Variants in NEXN observed in about 807,000 individuals in gnomAD.
NEXN encodes nexilin.
In NEXN, 65 loss-of-function variants were observed where a neutral mutation model predicts 92.6. The observed-to-expected ratio is 0.70, with a 90% CI of 0.57 to 0.86. The LOEUF is 0.86. Among genes scored for constraint, NEXN ranks in the 40% least tolerant of loss-of-function variants. The probability of loss-of-function intolerance (pLI) is 0.00; values close to 1 mark genes in which losing one functional copy is unlikely to be tolerated. For missense variants in NEXN, 778 were observed against 771.1 expected (o/e 1.01, Z -0.11); for synonymous variants, 254 against 242.5 (o/e 1.05, Z -0.44).
At chr1:77,915,895 T>C (rs943472055) in intron 1 of NEXN, among the ~76,000 whole-genome samples, 160 bp from the exon 2 acceptor site, 1 of 152,126 alleles carries the variant, frequency 6.6e-6, no homozygotes, top group Admixed American at 6.6e-5. Flanking sequence ...TTCTATACCA[T>C]GAATCTTGGG....
chr1:77,931,231 C>CAAA (rs367898061), intron 9 of NEXN, among the ~76,000 whole-genome samples: 17 of 120,554 alleles, frequency 1.4e-4, no homozygotes, highest in South Asian at 2.7e-4. Flanking sequence ...ACTAAAAATA[C>CAAA]AAAAAAAAAA....
rs755659119 is a variant in NEXN, at chr1:77,933,273, T to C, written c.1054-9T>C. On this transcript the variant is annotated splice_polypyrimidine_tract_variant and intron_variant, in intron 9 of 12. Coordinates refer to ENST00000334785, the MANE Select transcript of NEXN (RefSeq NM_144573.4). ...CTGGCCAGAGTGATAAAATAATTAT[T>C]TTAAATAGGTAGTAGATGATGACTC... is the stretch of plus-strand genomic sequence containing the variant. The C allele has an allele frequency of 1.3e-6, 2 of 1,514,656 alleles. No individual in the cohort carries two copies. The highest frequency in any genetic ancestry group is 1.7e-5 in the Admixed American group (1 of 58,908). 93.8% of individuals were successfully genotyped at this position (1,514,656 alleles called of 1,614,324 possible). A position where few individuals can be genotyped will look rare whatever the true frequency, so the allele number is the denominator to read the frequency against.
intron 9 of NEXN, among the ~76,000 whole-genome samples, chr1:77,930,749 A>G (rs368159669): frequency 1.3e-5 from 2 of 152,186 alleles, no homozygotes; most frequent in South Asian, 2.1e-4. Flanking sequence ...TCCTTTCCCT[A>G]TGCTCTGCTA....
intron 1 of NEXN, among the ~76,000 whole-genome samples, chr1:77,915,452 A>AC: frequency 1.3e-5 from 2 of 152,066 alleles, no homozygotes; most frequent in East Asian, 3.9e-4. Context: ...ACACGGTGAA[A>AC]CCCCGTCTCT....
intron 5 of NEXN, among the ~76,000 whole-genome samples, chr1:77,919,757 G>A (rs1354277365): frequency 2.6e-5 from 4 of 151,986 alleles, no homozygotes; most frequent in African/African-American, 4.8e-5. Flanking sequence ...CTGCCACCAC[G>A]TCTGGCTAAT....
chr1:77,914,945 T>C lies in NEXN; in HGVS notation c.-52-1110T>C, dbSNP rs998576586. On this transcript the variant is annotated intron_variant, in intron 1 of 12. Transcript: ENST00000334785. Reference sequence around the variant, plus strand: ...AAACATATGCTGTGTCCAAGACATATGCTTTACATATAAAAACATAGATAG... The same window carrying C: ...AAACATATGCTGTGTCCAAGACATACGCTTTACATATAAAAACATAGATAG... Among the ~76,000 whole-genome samples, 5 of 152,026 alleles carry C rather than the reference T, an allele frequency of 3.3e-5. No homozygotes were observed. In the East Asian group the frequency reaches 7.7e-4, roughly 23 times the overall value.
intron 11 of NEXN, among the ~76,000 whole-genome samples, chr1:77,939,771 G>GT (rs149158048): frequency 0.027 from 4,134 of 152,200 alleles, 98 homozygotes; most frequent in South Asian, 0.11. Context: ...TATTGAAATC[G>GT]TATTTAAAAA....
At chr1:77,897,355 A>G (rs2102037610) in intron 1 of NEXN, among the ~76,000 whole-genome samples, 1 of 152,382 alleles carries the variant, frequency 6.6e-6, no homozygotes, top group East Asian at 1.9e-4. Flanking sequence ...CTGGTTCAAT[A>G]TACGCAAATC....
chr1:77,936,086 GATA>G lies in NEXN; in HGVS notation c.1473+47_1473+49del, dbSNP rs767863275. ...TTTAACATAGTTATGGTACAGTAAT[GATA>G]ATAAATTTAACAGAAGTAACATTGG... On this transcript the variant is annotated intron_variant, in intron 11 of 12. Coordinates refer to ENST00000334785, the MANE Select transcript of NEXN (RefSeq NM_144573.4). 6 of 1,409,572 alleles carry G rather than the reference GATA, an allele frequency of 4.3e-6. No individual in the cohort carries two copies. The East Asian group carries it at 9.1e-5, about 21-fold the overall frequency. 87.3% of individuals were successfully genotyped at this position (1,409,572 alleles called of 1,614,324 possible).
intron 11 of NEXN, among the ~76,000 whole-genome samples, chr1:77,937,070 G>GA (rs1350163731): frequency 6.6e-6 from 1 of 151,488 alleles, no homozygotes; most frequent in African/African-American, 2.4e-5. Context: ...AGCACTTTGG[G>GA]AGGCCGAGGT....
At chr1:77,894,146 G>A (rs1225211175) in intron 1 of NEXN, among the ~76,000 whole-genome samples, 8 of 151,892 alleles carry the variant, frequency 5.3e-5, no homozygotes, top group Non-Finnish European at 7.4e-5. Context: ...TAGTAGAGAC[G>A]AGATTTCACC....
intron 1 of NEXN, among the ~76,000 whole-genome samples, chr1:77,912,078 CAAA>C (rs56678367): frequency 3.9e-5 from 3 of 76,454 alleles, no homozygotes; most frequent in Non-Finnish European, 5.4e-5. Context: ...GACTCTGTCT[CAAA>C]AAAAAAAAAA....
chr1:77,907,804 C>T (rs1211493842), intron 1 of NEXN, among the ~76,000 whole-genome samples: 1 of 152,124 alleles, frequency 6.6e-6, no homozygotes, highest in African/African-American at 2.4e-5. Flanking sequence ...TATTCACTGT[C>T]AGTAAGCCAC....
intron 1 of NEXN, among the ~76,000 whole-genome samples, chr1:77,889,953 GTTA>G (rs1647068346): frequency 6.6e-6 from 1 of 152,084 alleles, no homozygotes; most frequent in African/African-American, 2.4e-5. Context: ...TTAGTCACAC[GTTA>G]TTGAGTGGAC....
At chr1:77,934,080 G>A (rs945013125) in intron 10 of NEXN, among the ~76,000 whole-genome samples, 1 of 138,734 alleles carries the variant, frequency 7.2e-6, no homozygotes, top group African/African-American at 2.7e-5. Context: ...CACAATCTTG[G>A]TTCATTGCAA....
At chr1:77,905,270 T>A (rs866275021) in intron 1 of NEXN, among the ~76,000 whole-genome samples, 1 of 141,070 alleles carries the variant, frequency 7.1e-6, no homozygotes, top group Non-Finnish European at 1.6e-5. Flanking sequence ...AAAAAAAAAA[T>A]TAATATAAGT....
chr1:77,918,448 T>C (rs1045498914), intron 5 of NEXN, among the ~76,000 whole-genome samples, 175 bp downstream of exon 5: 13 of 152,216 alleles, frequency 8.5e-5, no homozygotes, highest in African/African-American at 2.9e-4. Flanking sequence ...GAGGCCAAGC[T>C]GGGTGGATCG....
chr1:77,933,512 A>T, intron 10 of NEXN, 33 bp downstream of exon 10: 5 of 1,407,406 alleles, frequency 3.6e-6, no homozygotes, highest in Non-Finnish European at 5.0e-6. Context: ...TATTCCCCAT[A>T]TTTATTAAGC....
At chr1:77,928,310 CAAAA>C (rs199608369) in intron 8 of NEXN, among the ~76,000 whole-genome samples, 1 of 75,294 alleles carries the variant, frequency 1.3e-5, no homozygotes, top group Non-Finnish European at 2.8e-5. Context: ...GACCCTGTCT[CAAAA>C]AAAAAAAAAA....
Sources: allele counts gnomAD v4.1 joint callset (sites outside exome capture counted in the v4.1 genomes callset), GRCh38; gene constraint gnomAD v4.1.1; transcripts MANE v1.5; gene names NCBI Gene and HGNC (gene_info 2026-07-23, HGNC 2026-07-21).